TIMELESS: variants seen among roughly 807,000 people sequenced by gnomAD.
TIMELESS encodes the protein protein timeless homolog.
TIMELESS carries 124 observed loss-of-function variants against 164.3 expected under a neutral mutation model. The observed-to-expected ratio is 0.75, with a 90% CI of 0.65 to 0.88. TIMELESS has a LOEUF of 0.88. Ranked by LOEUF, TIMELESS falls within the 40% of genes least tolerant of loss-of-function variation. The pLI, the probability that TIMELESS is intolerant of heterozygous loss-of-function variation, is 0.00. For missense variants in TIMELESS, 1,422 were observed against 1,491.4 expected, an observed-to-expected ratio of 0.95 and a Z score of 0.77; for synonymous variants, 564 against 563.4, an observed-to-expected ratio of 1.00 and a Z score of -0.02.
In TIMELESS at chr12:56,433,840, G is replaced by A; in HGVS notation, c.184C>T (p.Gln62Ter). The A allele has an allele frequency of 1.2e-6, 2 of 1,614,198 alleles. No homozygotes were observed. The highest frequency in any genetic ancestry group is 1.7e-6 in the Non-Finnish European group (2 of 1,180,050). The change falls in exon 3 of 29, where the codon CAG becomes TAG. Residue 62 changes from glutamine (Q) to a stop codon, truncating the protein, a stop_gained. Transcript: ENST00000553532. LOFTEE classifies it high-confidence loss of function. ...RQQLGAAQIL[Q>*]SDLLPILTQH... ...GTGAGGATGGGCAGAAGGTCGCTCT[G>A]TAGGATCTGGGCTGCCCCCAGCTGC...
In TIMELESS at chr12:56,421,806, T is replaced by C; in HGVS notation, c.2646A>G (p.Lys882=). 1 of 1,614,172 alleles carries C rather than the reference T, an allele frequency of 6.2e-7. No individual in the cohort carries two copies. Among genetic ancestry groups the C allele is most frequent in the Non-Finnish European group, 8.5e-7 (1 of 1,180,020 alleles). Reference sequence around the variant, plus strand: ...CCGTCCACAGTACAATATGGGTTCCTTTCCTGATTAGGAAGGTGTCAGTGG... The same window carrying C: ...CCGTCCACAGTACAATATGGGTTCCCTTCCTGATTAGGAAGGTGTCAGTGG... ...LADSVKDFQR[K]GTHIVLWTGD... is the part of the protein sequence containing the mutation. Residue 882 remains lysine (K), a synonymous_variant, in exon 22 of 29, where the codon AAA becomes AAG. Coordinates refer to ENST00000553532, the MANE Select transcript of TIMELESS (RefSeq NM_003920.5).
intron 22 of TIMELESS, 106 bp from the exon 23 acceptor site, chr12:56,421,599 C>T (rs1474351106): frequency 6.6e-7 from 1 of 1,521,412 alleles, no homozygotes; most frequent in Non-Finnish European, 9.0e-7. Context: ...CCAAAAATGA[C>T]ACTTACAAAT....
In TIMELESS at chr12:56,447,046, GT is replaced by G. The variant is rs1423476486; in HGVS notation, c.-62+2263del. Among the ~76,000 whole-genome samples the G allele has an allele frequency of 2.7e-5, 4 of 148,194 alleles. No individual in the cohort carries two copies. In the Admixed American group the frequency reaches 2.7e-4, roughly 10 times the overall value. On this transcript the variant is annotated intron_variant, in intron 1 of 28. Coordinates refer to ENST00000553532, the MANE Select transcript of TIMELESS (RefSeq NM_003920.5). Reference sequence around the variant, plus strand: ...TTTTTTTGGAGACGAGTCTCACTCTGTCACTCAGGCTGGAATGCAATGGTGC... The same window carrying G: ...TTTTTTTGGAGACGAGTCTCACTCTGCACTCAGGCTGGAATGCAATGGTGC...
At position 56,421,110 on chromosome 12, in the gene TIMELESS, C is replaced by G. The variant is rs1881465590; in HGVS notation, c.2893G>C (p.Asp965His). 1.9e-6 allele frequency: 3 copies of G among 1,614,170 alleles called. No homozygotes were observed. The highest frequency in any genetic ancestry group is 2.5e-6 in the Non-Finnish European group (3 of 1,180,036). ...TCTTCCAGATCTTCCTGGCAAAAAT[C>G]TTTCAGGGACTCCGCTCCATTTGGC... is the stretch of plus-strand genomic sequence containing the variant. The part of the protein sequence containing the change: ...ILPNGAESLK[D>H]FCQEDLEEEE... Residue 965 changes from aspartate to histidine, a missense_variant, in exon 24 of 29, where the codon GAT (aspartate) becomes CAT (histidine). Physicochemically the swap from Asp to His is moderately conservative, Grantham distance 81. Coordinates refer to ENST00000553532, the MANE Select transcript of TIMELESS (RefSeq NM_003920.5).
intron 1 of TIMELESS, among the ~76,000 whole-genome samples, chr12:56,438,597 C>T (rs1026668725): frequency 6.6e-6 from 1 of 151,520 alleles, no homozygotes; most frequent in Non-Finnish European, 1.5e-5. Flanking sequence ...TATAGTGAGA[C>T]CTCGTCTCTA....
chr12:56,417,949 C>T lies in TIMELESS; in HGVS notation c.3514G>A (p.Asp1172Asn), dbSNP rs752444978. The change falls in exon 28 of 29, where the codon GAC becomes AAC. Residue 1172 changes from aspartate (D) to asparagine (N), a missense_variant. Transcript: ENST00000553532. ...TCTTCTTCCTGTTCCTCGTCGCTGT[C>T]CAGCAATTGTCGTTTCTTGGGTGCT... ...KAAPKKRQLL[D>N]SDEEQEEDEG... 1.7e-5 allele frequency: 28 copies of T among 1,614,136 alleles called. No homozygotes were observed. The highest frequency in any genetic ancestry group is 2.3e-5 in the Non-Finnish European group (27 of 1,180,058).
chr12:56,423,139 G>A (rs1311047578), intron 18 of TIMELESS, 135 bp downstream of exon 18: 13 of 1,389,582 alleles, frequency 9.4e-6, no homozygotes, highest in Non-Finnish European at 1.2e-5. Context: ...CCCTCAACCT[G>A]CCTGTCTACT....
rs908460564 is a variant in TIMELESS, at chr12:56,416,771, G to C, written c.*945C>G. ...GACAGAGTCTTGCTCTGTCGCCCAG[G>C]CATATGCACTGGCGTGACCTTAGCT... On this transcript the variant is annotated 3_prime_UTR_variant, in exon 29 of 29. Coordinates refer to ENST00000553532, the MANE Select transcript of TIMELESS (RefSeq NM_003920.5). The C allele has an allele frequency of 2.6e-5, 4 of 151,548 alleles. No homozygotes were observed. The highest frequency in any genetic ancestry group is 5.9e-5 in the Non-Finnish European group (4 of 67,948). 9.4% of individuals were successfully genotyped at this position (151,548 alleles called of 1,614,324 possible). A position where few individuals can be genotyped will look rare whatever the true frequency, so the allele number is the denominator to read the frequency against.
In TIMELESS at chr12:56,430,293, G is replaced by A. The variant is rs769609197; in HGVS notation, c.910-12C>T. On this transcript the variant is annotated splice_polypyrimidine_tract_variant and intron_variant, in intron 9 of 28. Transcript: ENST00000553532. ...CTGTAGTTTCGTAGCTGGGTGTGTC[G>A]GTTGGGGGATTAGAATTACTCCTAA... 4 of 1,608,202 alleles carry A rather than the reference G, an allele frequency of 2.5e-6. No homozygotes were observed. The highest frequency in any genetic ancestry group is 1.3e-5 in the African/African-American group (1 of 74,794).
chr12:56,420,048 A>ATATG lies in TIMELESS; in HGVS notation c.3228+520_3228+521insCATA, dbSNP rs1473074484. Among the ~76,000 whole-genome samples, 740 of 87,224 alleles carry ATATG rather than the reference A, an allele frequency of 8.5e-3. 7 individuals carry two copies. The highest frequency in any genetic ancestry group is 0.031 in the African/African-American group (615 of 19,840). The allele number at this position is 87,224 out of a possible 152,430, so 57.2% of individuals were successfully genotyped here. A position where few individuals can be genotyped will look rare whatever the true frequency, so the allele number is the denominator to read the frequency against. Reference sequence around the variant, plus strand: ...AAAAAAAATATATATATATATATATATGTGTGTGTGTGTGTGTGTGTGTAT... The same window carrying ATATG: ...AAAAAAAATATATATATATATATATATATGTGTGTGTGTGTGTGTGTGTGTGTAT... On this transcript the variant is annotated intron_variant, in intron 26 of 28. Transcript: ENST00000553532.
chr12:56,418,439 C>T, intron 26 of TIMELESS, 80 bp from the exon 27 acceptor site: 1 of 1,042,634 alleles, frequency 9.6e-7, no homozygotes, highest in Non-Finnish European at 1.4e-6. Context: ...ATATATATGA[C>T]CCAATATTGG....
At chr12:56,431,830 A>G (rs965257967) in intron 7 of TIMELESS, among the ~76,000 whole-genome samples, 3 of 151,480 alleles carry the variant, frequency 2.0e-5, no homozygotes, top group Admixed American at 1.3e-4. Flanking sequence ...ATACATATAT[A>G]TATTTGTATG....
chr12:56,442,139 A>G (rs1295900808), intron 1 of TIMELESS, among the ~76,000 whole-genome samples: 1 of 126,818 alleles, frequency 7.9e-6, no homozygotes, highest in Non-Finnish European at 1.9e-5. Flanking sequence ...ACAAATATAG[A>G]ACAAACAATG....
chr12:56,420,472 G>GTAT lies in TIMELESS; in HGVS notation c.3228+96_3228+97insATA, dbSNP rs1555176506. On this transcript the variant is annotated intron_variant, in intron 26 of 28. Coordinates refer to ENST00000553532, the MANE Select transcript of TIMELESS (RefSeq NM_003920.5). Reference sequence around the variant, plus strand: ...ATGAGAAGGACCAAGATGACGATAAGGATAAGGAGGACCACCATGACAGTG... The same window carrying GTAT: ...ATGAGAAGGACCAAGATGACGATAAGTATGATAAGGAGGACCACCATGACAGTG... 7 of 957,570 alleles carry GTAT rather than the reference G, an allele frequency of 7.3e-6. No individual in the cohort carries two copies. The Admixed American group carries it at 7.7e-5, about 11-fold the overall frequency. 59.3% of individuals were successfully genotyped at this position (957,570 alleles called of 1,614,324 possible).
chr12:56,420,046 A>ATGTGTGTGTGTG (rs1349817695), intron 26 of TIMELESS, among the ~76,000 whole-genome samples: 1 of 88,162 alleles, frequency 1.1e-5, no homozygotes, highest in African/African-American at 5.1e-5. Flanking sequence ...ATATATATAT[A>ATGTGTGTGTGTG]TATGTGTGTG....
chr12:56,429,241 C>T (rs997806881), intron 10 of TIMELESS, 141 bp from the exon 11 acceptor site: 2 of 713,980 alleles, frequency 2.8e-6, no homozygotes, highest in Non-Finnish European at 4.5e-6. Flanking sequence ...CTCTATTGCC[C>T]AGGCTGGAGT....
chr12:56,447,289 G>C (rs12231852), intron 1 of TIMELESS, among the ~76,000 whole-genome samples: 1 of 150,338 alleles, frequency 6.7e-6, no homozygotes, highest in Non-Finnish European at 1.5e-5. Context: ...ATGGGGCTTA[G>C]GCAAGTGTTT....
intron 1 of TIMELESS, among the ~76,000 whole-genome samples, chr12:56,446,551 C>A (rs1301210438): frequency 2.0e-5 from 3 of 152,090 alleles, no homozygotes; most frequent in African/African-American, 7.2e-5. Flanking sequence ...TCTGTGCAGG[C>A]CAGGCGCAGT....
intron 1 of TIMELESS, among the ~76,000 whole-genome samples, chr12:56,447,007 CTTTTT>C (rs1242771002): frequency 6.8e-6 from 1 of 147,922 alleles, no homozygotes; most frequent in African/African-American, 2.6e-5. Context: ...GACAGGAATT[CTTTTT>C]ATTTTTTTTT....
Sources: allele counts gnomAD v4.1 joint callset (sites outside exome capture counted in the v4.1 genomes callset), GRCh38; gene constraint gnomAD v4.1.1; transcripts MANE v1.5; gene names NCBI Gene and HGNC (gene_info 2026-07-23, HGNC 2026-07-21).